ROCK2: variants seen among roughly 807,000 people sequenced by gnomAD.
The protein encoded by ROCK2 is rho-associated protein kinase 2.
A neutral mutation model predicts 195.1 loss-of-function variants in ROCK2; 61 were observed. The observed-to-expected ratio is 0.31, with a 90% confidence interval of 0.25 to 0.39. ROCK2 has a LOEUF of 0.39. Among genes scored for constraint, ROCK2 ranks in the 10% least tolerant of loss-of-function variants. The probability of loss-of-function intolerance (pLI) is 1.00; values close to 1 mark genes in which losing one functional copy is unlikely to be tolerated. For synonymous variants in ROCK2, 504 were observed against 545.5 expected (o/e 0.92, Z 1.06); for missense variants, 1,109 against 1,637.4 (o/e 0.68, Z 5.57).
chr2:11,283,801 T>C (rs991454640), intron 3 of ROCK2, among the ~76,000 whole-genome samples: 20 of 152,338 alleles, frequency 1.3e-4, no homozygotes, highest in Middle Eastern at 6.8e-3. Context: ...TCTTCATTCA[T>C]TGCTGGTAGG....
At chr2:11,222,239 CAA>C in intron 7 of ROCK2, 65 bp from the exon 8 acceptor site, 1 of 900,682 alleles carries the variant, frequency 1.1e-6, no homozygotes, top group South Asian at 1.7e-5. Context: ...AACTCTATGT[CAA>C]CAGTTTAACC....
At chr2:11,337,512 A>G (rs1668967400) in intron 1 of ROCK2, among the ~76,000 whole-genome samples, 1 of 152,170 alleles carries the variant, frequency 6.6e-6, no homozygotes, top group Non-Finnish European at 1.5e-5. Flanking sequence ...AATGCAAATC[A>G]TGCAAATCGA....
chr2:11,323,866 G>T (rs372632880), intron 1 of ROCK2, among the ~76,000 whole-genome samples: 1 of 152,100 alleles, frequency 6.6e-6, no homozygotes, highest in African/African-American at 2.4e-5. Flanking sequence ...AAAGTCTATA[G>T]TTACCGTCAG....
chr2:11,222,433 A>G (rs1302147301), intron 7 of ROCK2, among the ~76,000 whole-genome samples: 2 of 152,178 alleles, frequency 1.3e-5, no homozygotes, highest in Non-Finnish European at 2.9e-5. Flanking sequence ...CATCAAATGA[A>G]AGTACGTTAA....
chr2:11,324,097 T>C (rs149219643), intron 1 of ROCK2, among the ~76,000 whole-genome samples: 115 of 152,288 alleles, frequency 7.6e-4, no homozygotes, highest in Non-Finnish European at 1.1e-3. Context: ...ACTCTTACCA[T>C]ACAGTCCAGC....
Position 11,334,686 on chromosome 2 carries a change from C to G in ROCK2, c.141+9310G>C, listed in dbSNP as rs375572981. ...TTAGCATATTAAGCATTTGTCAACA[C>G]AATCATGCAGGTAATTAAGACAATA... On this transcript the variant is annotated intron_variant, in intron 1 of 32. Coordinates refer to ENST00000315872, the MANE Select transcript of ROCK2 (RefSeq NM_004850.5). Among the ~76,000 whole-genome samples, 6 of 140,050 alleles carry G rather than the reference C, an allele frequency of 4.3e-5. No homozygotes were observed. The East Asian group carries it at 7.7e-4, about 18-fold the overall frequency. The allele number at this position is 140,050 out of a possible 152,430, so 91.9% of individuals were successfully genotyped here. A position where few individuals can be genotyped will look rare whatever the true frequency, so the allele number is the denominator to read the frequency against.
chr2:11,327,043 T>C (rs1290858104), intron 1 of ROCK2, among the ~76,000 whole-genome samples: 3 of 152,170 alleles, frequency 2.0e-5, no homozygotes, highest in African/African-American at 7.2e-5. Context: ...GACCATGAAT[T>C]TGCAGTACCA....
intron 2 of ROCK2, 90 bp from the exon 3 acceptor site, chr2:11,286,729 A>C: frequency 1.2e-6 from 1 of 815,892 alleles, no homozygotes; most frequent in Admixed American, 2.9e-5. Context: ...TGTTTCAAGA[A>C]AAGACAGTTT....
chr2:11,258,095 C>A (rs1345559200), intron 3 of ROCK2, among the ~76,000 whole-genome samples: 1 of 151,024 alleles, frequency 6.6e-6, no homozygotes, highest in Non-Finnish European at 1.5e-5. Context: ...CATAAAAGCA[C>A]ATGGAATCTC....
chr2:11,333,369 T>C (rs564770156), intron 1 of ROCK2, among the ~76,000 whole-genome samples: 2 of 152,310 alleles, frequency 1.3e-5, no homozygotes, highest in East Asian at 3.9e-4. Context: ...GAAAGGCTTA[T>C]TACAAGTAAG....
rs1472524509 is a variant in ROCK2, at chr2:11,235,643, G to T, written c.723+59C>A. 2.6e-6 allele frequency: 4 copies of T among 1,511,360 alleles called. No individual in the cohort carries two copies. Among genetic ancestry groups the T allele is most frequent in the African/African-American group, 1.4e-5 (1 of 71,998 alleles). The allele number at this position is 1,511,360 out of a possible 1,614,324, so 93.6% of individuals were successfully genotyped here. ...CAAAACTATGAAGACCTGACTTAAA[G>T]TATTTCATTTATTTCTGTCCCTCAA... On this transcript the variant is annotated intron_variant, in intron 5 of 32. Coordinates refer to ENST00000315872, the MANE Select transcript of ROCK2 (RefSeq NM_004850.5). This position sits in a 1 kb window ranked among gnomAD's most constrained non-coding sequence, Gnocchi z 4.2.
chr2:11,187,450 G>A (rs1000892615), intron 32 of ROCK2, among the ~76,000 whole-genome samples: 2 of 152,124 alleles, frequency 1.3e-5, no homozygotes, highest in Non-Finnish European at 2.9e-5. Flanking sequence ...AGTACTATTC[G>A]TGATTCCAGG....
intron 1 of ROCK2, among the ~76,000 whole-genome samples, chr2:11,324,750 C>T (rs1668497836): frequency 6.6e-6 from 1 of 152,206 alleles, no homozygotes; most frequent in Non-Finnish European, 1.5e-5. Context: ...AAGCACAGTG[C>T]CTGGCACATA....
At chr2:11,298,444 T>G (rs1667602367) in intron 1 of ROCK2, among the ~76,000 whole-genome samples, 1 of 122,396 alleles carries the variant, frequency 8.2e-6, no homozygotes, top group Non-Finnish European at 1.6e-5. Flanking sequence ...CACTCCAGCC[T>G]GAACAACAGA....
intron 3 of ROCK2, among the ~76,000 whole-genome samples, chr2:11,253,119 C>CA (rs1665897859): frequency 6.6e-6 from 1 of 152,060 alleles, no homozygotes; most frequent in South Asian, 2.1e-4. Flanking sequence ...CCTTTTTACT[C>CA]AGAGTATGCC....
intron 3 of ROCK2, among the ~76,000 whole-genome samples, chr2:11,268,731 T>G (rs1666516214): frequency 6.6e-6 from 1 of 152,222 alleles, no homozygotes; most frequent in South Asian, 2.1e-4. Flanking sequence ...AATTTTCAAG[T>G]GTGACCGTAA....
chr2:11,338,355 A>T (rs559385133), intron 1 of ROCK2, among the ~76,000 whole-genome samples: 96 of 152,278 alleles, frequency 6.3e-4, no homozygotes, highest in Admixed American at 1.3e-3. Context: ...TCCATATTTT[A>T]AAAAAATCAA....
intron 27 of ROCK2, among the ~76,000 whole-genome samples, chr2:11,195,450 C>A (rs1017930933): frequency 6.6e-6 from 1 of 151,960 alleles, no homozygotes; most frequent in African/African-American, 2.4e-5. Flanking sequence ...TAAATAATTA[C>A]GTGTTCAGAG....
rs1202413101 is a variant in ROCK2 at position 11,214,473 on chromosome 2, G to A, written c.1937-10C>T. The A allele has an allele frequency of 2.0e-6, 3 of 1,502,690 alleles. No individual in the cohort carries two copies. The African/African-American group carries it at 4.2e-5, about 21-fold the overall frequency. The allele number at this position is 1,502,690 out of a possible 1,614,324, so 93.1% of individuals were successfully genotyped here. ...AGGCCACATATTCTACCTAAAAATT[G>A]CAACGTTTTTTTAAAACATTAAACC... On this transcript the variant is annotated splice_polypyrimidine_tract_variant and intron_variant, in intron 16 of 32. Coordinates refer to ENST00000315872, the MANE Select transcript of ROCK2 (RefSeq NM_004850.5).
Sources: allele counts gnomAD v4.1 joint callset (sites outside exome capture counted in the v4.1 genomes callset), GRCh38; gene constraint gnomAD v4.1.1; non-coding constraint Gnocchi (gnomAD v3.1); transcripts MANE v1.5; gene names NCBI Gene and HGNC (gene_info 2026-07-23, HGNC 2026-07-21).